The following CRPPA variants were observed in gnomAD, a reference collection of about 807,000 sequenced individuals.
CRPPA encodes D-ribitol-5-phosphate cytidylyltransferase.
CRPPA carries 43 observed loss-of-function variants against 52.0 expected under a neutral mutation model. That is an observed-to-expected ratio of 0.83 (90% confidence interval 0.65 to 1.07). The LOEUF is 1.07. Ranked by LOEUF, CRPPA falls within the 50% of genes least tolerant of loss-of-function variation. The pLI is 0.00. For synonymous variants in CRPPA, 250 were observed against 203.5 expected (o/e 1.23, Z -1.94); for missense variants, 629 against 551.7 (o/e 1.14, Z -1.40).
At position 16,392,501 on chromosome 7, in the gene CRPPA, T is replaced by A. The variant is rs148851479; in HGVS notation, c.534+13560A>T. Among the ~76,000 whole-genome samples the A allele has an allele frequency of 7.0e-4, 107 of 152,274 alleles. No homozygotes were observed. The Middle Eastern group carries it at 0.01, about 15-fold the overall frequency. On this transcript the variant is annotated intron_variant, in intron 2 of 9. Transcript: ENST00000407010. ...CATATTCCAAGCATTATGCTTTGCA[T>A]AATGAGGAATACGCAAAATGCAATC...
At chr7:16,107,195 A>C (rs577702268) in intron 9 of CRPPA, among the ~76,000 whole-genome samples, 55 of 152,274 alleles carry the variant, frequency 3.6e-4, no homozygotes, top group Non-Finnish European at 5.9e-4. Context: ...CCAAAAAAAA[A>C]CAAAAACATC....
chr7:16,270,576 A>G (rs1784068056), intron 6 of CRPPA: 1 of 152,178 alleles, frequency 6.6e-6, no homozygotes, highest in African/African-American at 2.4e-5. Context: ...AAATCTGGCT[A>G]ACATACCAAA....
In CRPPA at chr7:16,241,974, G is replaced by C. The variant is rs978899622; in HGVS notation, c.1119+16416C>G. 4.2e-5 allele frequency among the ~76,000 whole-genome samples: 3 copies of C among 71,750 alleles called. 1 individual carries two copies. Among genetic ancestry groups the C allele is most frequent in the African/African-American group, 7.5e-5 (2 of 26,722 alleles). The allele number at this position is 71,750 out of a possible 152,430, so 47.1% of individuals were successfully genotyped here. On this transcript the variant is annotated intron_variant, in intron 8 of 9. Transcript: ENST00000407010. The stretch of plus-strand genomic sequence containing the variant: ...TTTTTTTTTTTTTTTTTTTTGTTGG[G>C]GGGAGATAGAGTCTCGCTCTGTCAC...
chr7:16,304,432 C>T (rs1562620112), intron 4 of CRPPA, among the ~76,000 whole-genome samples: 1 of 151,966 alleles, frequency 6.6e-6, no homozygotes, highest in African/African-American at 2.4e-5. Flanking sequence ...TTATAAAATA[C>T]AAAATACAGA....
chr7:16,333,868 T>C (rs1785615996), intron 3 of CRPPA, among the ~76,000 whole-genome samples: 1 of 152,152 alleles, frequency 6.6e-6, no homozygotes, highest in Non-Finnish European at 1.5e-5. Context: ...TGAACTGCTG[T>C]CTTTGACTAT....
intron 2 of CRPPA, among the ~76,000 whole-genome samples, chr7:16,398,823 G>T (rs1040406704): frequency 1.7e-4 from 26 of 152,284 alleles, no homozygotes; most frequent in African/African-American, 6.3e-4. Context: ...TGACCAATAC[G>T]TTTGACACGT....
At chr7:16,154,981 T>A (rs1783149403) in intron 9 of CRPPA, among the ~76,000 whole-genome samples, 1 of 150,908 alleles carries the variant, frequency 6.6e-6, no homozygotes, top group Admixed American at 6.6e-5. Flanking sequence ...TTCTTTTTTT[T>A]TTTTTTTTTG....
intron 9 of CRPPA, among the ~76,000 whole-genome samples, chr7:16,105,350 C>T (rs1041961045): frequency 2.0e-5 from 3 of 152,230 alleles, no homozygotes; most frequent in African/African-American, 4.8e-5. Flanking sequence ...TCATCCTCCT[C>T]TAAGATGGCA....
chr7:16,281,197 A>G (rs1030555779), intron 5 of CRPPA, among the ~76,000 whole-genome samples: 2 of 152,162 alleles, frequency 1.3e-5, no homozygotes, highest in Admixed American at 1.3e-4. Flanking sequence ...AGCCTTCCAA[A>G]TGAACATGAT....
At position 16,406,345 on chromosome 7, in the gene CRPPA, G is replaced by A. The variant is rs750772320; in HGVS notation, c.258-8C>T. The A allele has an allele frequency of 6.2e-7, 1 of 1,609,870 alleles. No individual in the cohort carries two copies. The highest frequency in any genetic ancestry group is 2.2e-5 in the East Asian group (1 of 44,822). Reference sequence around the variant, plus strand: ...TCCTTTATCCAACATACTCTAAAAGGAAAGTATATGTACAATTCGTAAATT... The same window carrying A: ...TCCTTTATCCAACATACTCTAAAAGAAAAGTATATGTACAATTCGTAAATT... On this transcript the variant is annotated splice_region_variant and splice_polypyrimidine_tract_variant and intron_variant, in intron 1 of 9. Transcript: ENST00000407010.
At chr7:16,182,014 A>G (rs1781421652) in intron 9 of CRPPA, among the ~76,000 whole-genome samples, 1 of 152,002 alleles carries the variant, frequency 6.6e-6, no homozygotes, top group African/African-American at 2.4e-5. Flanking sequence ...TTATTTCTAA[A>G]TTTATAAACC....
intron 6 of CRPPA, among the ~76,000 whole-genome samples, chr7:16,271,294 T>C (rs59789077): frequency 0.074 from 11,209 of 152,186 alleles, 521 homozygotes; most frequent in East Asian, 0.15. Flanking sequence ...ATGTGATGTA[T>C]GAAAACAAGT....
At position 16,376,100 on chromosome 7, in the gene CRPPA, A is replaced by G. The variant is rs1282788711; in HGVS notation, c.676T>C (p.Tyr226His). The G allele has an allele frequency of 5.7e-6, 9 of 1,588,156 alleles. No individual in the cohort carries two copies. Among genetic ancestry groups the G allele is most frequent in the Admixed American group, 1.8e-5 (1 of 55,132 alleles). The change falls in exon 3 of 10, where the codon TAT becomes CAT. Residue 226 changes from tyrosine (Y) to histidine (H), a missense_variant. By Grantham distance (83) the Tyr-to-His change is moderately conservative (BLOSUM62 2). Coordinates refer to ENST00000407010, the MANE Select transcript of CRPPA (RefSeq NM_001101426.4). ...AFLFDVIYEA[Y>H]QQCSDYDLEF... ...AAAGCCCAAATTCTTACCTGCTGATATGCTTCATAAATCACATCAAATAGA... is the reference window on the plus strand; with the variant it reads ...AAAGCCCAAATTCTTACCTGCTGATGTGCTTCATAAATCACATCAAATAGA...
At chr7:16,253,836 C>A (rs1345426145) in intron 8 of CRPPA, among the ~76,000 whole-genome samples, 1 of 151,992 alleles carries the variant, frequency 6.6e-6, no homozygotes, top group African/African-American at 2.4e-5. Context: ...GCAATCTACC[C>A]ATCTGACAAA....
chr7:16,331,160 C>T (rs558693974), intron 3 of CRPPA, among the ~76,000 whole-genome samples: 12 of 152,070 alleles, frequency 7.9e-5, no homozygotes, highest in Admixed American at 2.0e-4. Flanking sequence ...CCACCATGCC[C>T]GGCTAATTTT....
intron 3 of CRPPA, among the ~76,000 whole-genome samples, chr7:16,344,426 A>AAT (rs3083973): frequency 6.7e-6 from 1 of 150,138 alleles, no homozygotes; most frequent in Non-Finnish European, 1.5e-5. Context: ...AAAAAAAAAA[A>AAT]TTAGCTATGT....
Position 16,187,853 on chromosome 7 carries a change from T to C in CRPPA, c.1251+28213A>G, listed in dbSNP as rs75168823. On this transcript the variant is annotated intron_variant, in intron 9 of 9. Transcript: ENST00000407010. ...TACTGAAGCAGAAGCAGGAATAATG[T>C]AACGAAGAGTCTAGAGATTTGTGTG... Among the ~76,000 whole-genome samples the C allele has an allele frequency of 9.6e-3, 1,459 of 152,164 alleles. 29 individuals are homozygous for C. Among genetic ancestry groups the C allele is most frequent in the African/African-American group, 0.034 (1,399 of 41,492 alleles).
intron 3 of CRPPA, among the ~76,000 whole-genome samples, chr7:16,324,042 G>C (rs943184236): frequency 1.3e-5 from 2 of 152,160 alleles, no homozygotes; most frequent in African/African-American, 2.4e-5. Context: ...TCCATGCACT[G>C]GCGACGTTCT....
intron 4 of CRPPA, among the ~76,000 whole-genome samples, chr7:16,307,186 G>A (rs1215621601): frequency 6.6e-6 from 1 of 152,086 alleles, no homozygotes; most frequent in Non-Finnish European, 1.5e-5. Flanking sequence ...TATTTCAAAA[G>A]CAGCAATATG....
Sources: gnomAD v4.1 joint callset for allele counts (sites outside exome capture counted in the v4.1 genomes callset) on GRCh38, gnomAD v4.1.1 for gene constraint, MANE v1.5 for transcripts, NCBI Gene and HGNC (gene_info 2026-07-23, HGNC 2026-07-21) for gene names.